The following FMN2 variants were observed in gnomAD, a reference collection of about 807,000 sequenced individuals.
The protein encoded by FMN2 is formin-2.
A neutral mutation model predicts 142.3 loss-of-function variants in FMN2; 51 were observed. The ratio of observed to expected loss-of-function variants is 0.36; its 90% CI spans 0.29 to 0.45. The LOEUF is 0.45. Ranked by LOEUF, FMN2 falls within the 20% of genes least tolerant of loss-of-function variation. The probability of loss-of-function intolerance (pLI) is 1.00; values close to 1 mark genes in which losing one functional copy is unlikely to be tolerated. For missense variants in FMN2, 1,936 were observed against 2,122.8 expected, an observed-to-expected ratio of 0.91 and a Z score of 1.73; for synonymous variants, 882 against 869.8, an observed-to-expected ratio of 1.01 and a Z score of -0.25.
chr1:240,253,553 C>A (rs1426061048), intron 6 of FMN2, among the ~76,000 whole-genome samples: 2 of 152,078 alleles, frequency 1.3e-5, no homozygotes, highest in African/African-American at 4.8e-5. Context: ...CACTGAGATT[C>A]TTTAATATCA....
intron 7 of FMN2, among the ~76,000 whole-genome samples, chr1:240,272,559 C>T (rs1669053458): frequency 6.6e-6 from 1 of 152,150 alleles, no homozygotes; most frequent in Admixed American, 6.5e-5. Flanking sequence ...TGCTCCCTGG[C>T]CACCTTTATC....
intron 7 of FMN2, among the ~76,000 whole-genome samples, chr1:240,279,636 A>G (rs1461655525): frequency 2.0e-5 from 3 of 152,202 alleles, no homozygotes; most frequent in African/African-American, 7.2e-5. Flanking sequence ...CTTATATTTG[A>G]AAAGTATTTA....
intron 1 of FMN2, among the ~76,000 whole-genome samples, chr1:240,100,269 T>G (rs1187494998): frequency 6.6e-6 from 1 of 152,216 alleles, no homozygotes; most frequent in Non-Finnish European, 1.5e-5. Context: ...AATATAAATG[T>G]TATTGTAATG....
rs1666417736 is a variant in FMN2 at position 240,207,539 on chromosome 1, A to ACCCCCC, written c.2732_2733insCCCCCC (p.Pro913_Pro914dup). ...CTCTGCAGGGTACAGAAATGCTGCC[A>ACCCCCC]CCCCCTCCCCCTCCTCTTCCCGGAG... On this transcript the variant is annotated inframe_insertion, in exon 5 of 18. Coordinates refer to ENST00000319653, the MANE Select transcript of FMN2 (RefSeq NM_020066.5). The ACCCCCC allele has an allele frequency of 1.2e-6, 2 of 1,603,132 alleles. No individual in the cohort carries two copies. The highest frequency in any genetic ancestry group is 2.8e-5 in the African/African-American group (2 of 70,446).
At chr1:240,474,065 A>C in intron 17 of FMN2, 63 bp from the exon 18 acceptor site, 1 of 1,439,938 alleles carries the variant, frequency 6.9e-7, no homozygotes, top group African/African-American at 1.5e-5. Context: ...GGCTACTCTA[A>C]ATTCTTTCCA....
At chr1:240,184,318 G>A (rs1325002257) in intron 3 of FMN2, among the ~76,000 whole-genome samples, 2 of 126,192 alleles carry the variant, frequency 1.6e-5, no homozygotes, top group African/African-American at 3.0e-5. Context: ...CTCACTGCAA[G>A]CTCCGCCTCC....
intron 14 of FMN2, among the ~76,000 whole-genome samples, chr1:240,374,533 G>A (rs2103073422): frequency 6.6e-6 from 1 of 152,226 alleles, no homozygotes; most frequent in East Asian, 1.9e-4. Flanking sequence ...TTTATGCTAT[G>A]GAGACAGATT....
At position 240,126,371 on chromosome 1, in the gene FMN2, C is replaced by T. The variant is rs566836349; in HGVS notation, c.1782+3026C>T. ...CTGGTACCCTTCCTACCTACCCCCC[C>T]CCACTTTGTTCCCTTCCCTGATGGG... On this transcript the variant is annotated intron_variant, in intron 2 of 17. Coordinates refer to ENST00000319653, the MANE Select transcript of FMN2 (RefSeq NM_020066.5). Among the ~76,000 whole-genome samples, 8 of 151,384 alleles carry T rather than the reference C, an allele frequency of 5.3e-5. No homozygotes were observed. The East Asian group carries it at 1.5e-3, about 29-fold the overall frequency.
intron 7 of FMN2, among the ~76,000 whole-genome samples, chr1:240,289,653 A>G (rs546584368): frequency 6.6e-6 from 1 of 152,170 alleles, no homozygotes; most frequent in Non-Finnish European, 1.5e-5. Flanking sequence ...GCACCCTAGC[A>G]TGGGTGACAG....
intron 5 of FMN2, 113 bp from the exon 6 acceptor site, chr1:240,210,978 C>G: frequency 2.2e-5 from 19 of 860,268 alleles, no homozygotes; most frequent in Non-Finnish European, 2.8e-5. Flanking sequence ...TCTTCTTTTT[C>G]CCTCCTTCCC....
chr1:240,304,339 TATTA>T (rs1222596104), intron 8 of FMN2, among the ~76,000 whole-genome samples: 1 of 152,232 alleles, frequency 6.6e-6, no homozygotes, highest in Non-Finnish European at 1.5e-5. Flanking sequence ...GCTGGGTTTT[TATTA>T]ATTGTTTTTA....
chr1:240,299,789 T>G (rs1323900544), intron 8 of FMN2, among the ~76,000 whole-genome samples: 1 of 152,074 alleles, frequency 6.6e-6, no homozygotes, highest in African/African-American at 2.4e-5. Context: ...TACTAGATAA[T>G]GCATACTGCG....
At chr1:240,324,785 C>T (rs543275016) in intron 8 of FMN2, among the ~76,000 whole-genome samples, 2 of 147,534 alleles carry the variant, frequency 1.4e-5, no homozygotes, top group African/African-American at 5.3e-5. Context: ...CTATTTTAAA[C>T]CTTGCATCAA....
intron 16 of FMN2, among the ~76,000 whole-genome samples, chr1:240,439,004 G>A (rs1675505494): frequency 1.3e-5 from 2 of 152,032 alleles, no homozygotes; most frequent in Non-Finnish European, 2.9e-5. Context: ...CAGGATCAGT[G>A]GCTCACACCT....
intron 2 of FMN2, among the ~76,000 whole-genome samples, chr1:240,141,520 A>G (rs1236334740): frequency 6.6e-6 from 1 of 151,866 alleles, no homozygotes; most frequent in Non-Finnish European, 1.5e-5. Context: ...GGTGCCCGCC[A>G]CCACACACAG....
intron 16 of FMN2, among the ~76,000 whole-genome samples, chr1:240,448,349 C>CA (rs1460357358): frequency 6.6e-6 from 1 of 152,106 alleles, no homozygotes; most frequent in African/African-American, 2.4e-5. Context: ...TACACACATG[C>CA]AAAAAATACT....
At chr1:240,160,719 A>G (rs1027054539) in intron 2 of FMN2, among the ~76,000 whole-genome samples, 2 of 151,984 alleles carry the variant, frequency 1.3e-5, no homozygotes, top group African/African-American at 2.4e-5. Flanking sequence ...CAATGCCACT[A>G]TTACCACTCT....
At chr1:240,394,762 C>G (rs1194985320) in intron 15 of FMN2, among the ~76,000 whole-genome samples, 3 of 151,910 alleles carry the variant, frequency 2.0e-5, no homozygotes, top group Non-Finnish European at 2.9e-5. Context: ...GAGGTCAGGA[C>G]CTTGAGCCCA....
At chr1:240,138,694 G>A (rs1663056208) in intron 2 of FMN2, among the ~76,000 whole-genome samples, 1 of 151,684 alleles carries the variant, frequency 6.6e-6, no homozygotes, top group Non-Finnish European at 1.5e-5. Flanking sequence ...GCAACAGAGC[G>A]AGACTCTGTC....
Sources: allele counts gnomAD v4.1 joint callset (sites outside exome capture counted in the v4.1 genomes callset), GRCh38; gene constraint gnomAD v4.1.1; transcripts MANE v1.5; gene names NCBI Gene and HGNC (gene_info 2026-07-23, HGNC 2026-07-21).